The following RAB12 variants were observed in gnomAD, a reference collection of about 807,000 sequenced individuals.
The protein encoded by RAB12 is RAB12, member RAS oncogene family.
Under a neutral mutation model 28.4 loss-of-function variants are expected in RAB12, and 11 were observed. The observed-to-expected ratio is 0.39, with a 90% CI of 0.24 to 0.64. The LOEUF is 0.64. RAB12 is among the 30% of genes least tolerant of loss of function. The pLI, the probability that RAB12 is intolerant of heterozygous loss-of-function variation, is 0.50. For synonymous variants in RAB12, 138 were observed against 145.3 expected (o/e 0.95, Z 0.36); for missense variants, 276 against 351.1 (o/e 0.79, Z 1.71).
At chr18:8,611,559 G>T (rs1304538188) in intron 1 of RAB12, among the ~76,000 whole-genome samples, 2 of 152,098 alleles carry the variant, frequency 1.3e-5, no homozygotes, top group African/African-American at 2.4e-5. Flanking sequence ...GTTCCTTAGG[G>T]GACTTGGGAA....
chr18:8,616,320 A>G (rs2096006643), intron 1 of RAB12, among the ~76,000 whole-genome samples: 1 of 151,738 alleles, frequency 6.6e-6, no homozygotes, highest in African/African-American at 2.4e-5. Flanking sequence ...ACATTTGGAA[A>G]GTATTTGGAA....
chr18:8,627,769 C>T (rs1036710187), intron 2 of RAB12, among the ~76,000 whole-genome samples: 2 of 152,182 alleles, frequency 1.3e-5, no homozygotes, highest in Non-Finnish European at 2.9e-5. Context: ...TTCTGCCTGT[C>T]GGACCAGTCC....
At chr18:8,632,923 G>C in intron 2 of RAB12, 1 of 410,330 alleles carries the variant, frequency 2.4e-6, no homozygotes, top group African/African-American at 2.1e-5. Context: ...AGTTATTCAG[G>C]AGAGTATGTT....
chr18:8,619,070 A>G (rs188287719), intron 1 of RAB12, among the ~76,000 whole-genome samples: 2 of 152,372 alleles, frequency 1.3e-5, no homozygotes, highest in Admixed American at 6.5e-5. Flanking sequence ...CAGCCACTAT[A>G]TAAAACTTAA....
chr18:8,621,295 T>G (rs990684325), intron 1 of RAB12, among the ~76,000 whole-genome samples: 37 of 152,188 alleles, frequency 2.4e-4, no homozygotes, highest in African/African-American at 8.2e-4. Flanking sequence ...TAGACAACAT[T>G]AAGGGATATT....
chr18:8,621,607 TG>T (rs1204578075), intron 1 of RAB12, among the ~76,000 whole-genome samples: 1 of 152,206 alleles, frequency 6.6e-6, no homozygotes, highest in Admixed American at 6.5e-5. Flanking sequence ...TTTTTTCTTT[TG>T]TTTTTTTCCT....
At chr18:8,618,814 A>G (rs1323630792) in intron 1 of RAB12, among the ~76,000 whole-genome samples, 1 of 152,206 alleles carries the variant, frequency 6.6e-6, no homozygotes, top group Non-Finnish European at 1.5e-5. Context: ...GCTCAGCCAC[A>G]TTCTCTTTTC....
At chr18:8,623,176 A>C (rs1363625604) in intron 1 of RAB12, among the ~76,000 whole-genome samples, 7 of 152,228 alleles carry the variant, frequency 4.6e-5, no homozygotes, top group Non-Finnish European at 8.8e-5. Flanking sequence ...AGGAAATCAC[A>C]AGGGTATTGA....
At chr18:8,636,580 T>TTGCAGGGTA (rs1347118321) in intron 5 of RAB12, among the ~76,000 whole-genome samples, 1 of 152,238 alleles carries the variant, frequency 6.6e-6, no homozygotes, top group Non-Finnish European at 1.5e-5. Flanking sequence ...TATGGCATAC[T>TTGCAGGGTA]TGCTTCGCCT....
intron 1 of RAB12, among the ~76,000 whole-genome samples, chr18:8,613,894 A>T (rs746305279): frequency 1.3e-5 from 2 of 152,126 alleles, no homozygotes; most frequent in African/African-American, 4.8e-5. Flanking sequence ...GTGAGCACTT[A>T]CTACACCAGC....
At chr18:8,637,225 A>G (rs1242642349) in intron 5 of RAB12, among the ~76,000 whole-genome samples, 1 of 151,316 alleles carries the variant, frequency 6.6e-6, no homozygotes, top group African/African-American at 2.4e-5. Context: ...ACAGTGAGCT[A>G]TGATCGTATC....
chr18:8,638,280 A>C lies in RAB12; in HGVS notation c.*18A>C, dbSNP rs768663810. ...GCTGTTGATTTCCTACTTTGGAGAC[A>C]AAGTGGAAATGATTCCTGGAAAGGG... is the stretch of plus-strand genomic sequence containing the variant. On this transcript the variant is annotated 3_prime_UTR_variant, in exon 6 of 6. Coordinates refer to ENST00000649141, the MANE Select transcript of RAB12 (RefSeq NM_001025300.3). 5.8e-6 allele frequency: 9 copies of C among 1,560,760 alleles called. No homozygotes were observed. Among genetic ancestry groups the C allele is most frequent in the Non-Finnish European group, 7.9e-6 (9 of 1,132,566 alleles).
At position 8,639,353 on chromosome 18, in the gene RAB12, G is replaced by A. The variant is rs1271011361; in HGVS notation, c.*1091G>A. The A allele has an allele frequency of 6.6e-6, 1 of 151,988 alleles. No individual in the cohort carries two copies. The highest frequency in any genetic ancestry group is 1.5e-5 in the Non-Finnish European group (1 of 67,910). The allele number at this position is 151,988 out of a possible 1,614,324, so 9.4% of individuals were successfully genotyped here. On this transcript the variant is annotated 3_prime_UTR_variant, in exon 6 of 6. Transcript: ENST00000649141. ...ATTGTGGTCTTTCTACACTAATGAA[G>A]TGCAAATAAAATTTTGTATTTATGA...
intron 1 of RAB12, among the ~76,000 whole-genome samples, chr18:8,621,454 TG>T (rs1336937288): frequency 6.6e-6 from 1 of 152,220 alleles, no homozygotes; most frequent in Non-Finnish European, 1.5e-5. Context: ...TAGGATATTT[TG>T]TTTAAGAGCG....
intron 1 of RAB12, among the ~76,000 whole-genome samples, chr18:8,619,634 G>A (rs940899480): frequency 2.0e-5 from 3 of 152,160 alleles, no homozygotes; most frequent in Non-Finnish European, 2.9e-5. Flanking sequence ...GTGGGCAGTG[G>A]TGTAAATTTG....
At chr18:8,617,645 C>G (rs1374230882) in intron 1 of RAB12, among the ~76,000 whole-genome samples, 2 of 152,088 alleles carry the variant, frequency 1.3e-5, no homozygotes, top group East Asian at 3.8e-4. Context: ...TATATACTTG[C>G]CTAGCAATGC....
At chr18:8,619,499 A>C (rs1020355503) in intron 1 of RAB12, among the ~76,000 whole-genome samples, 4 of 152,248 alleles carry the variant, frequency 2.6e-5, no homozygotes, top group African/African-American at 9.6e-5. Context: ...AGCCAGCAAG[A>C]AGGCAGAGCG....
chr18:8,629,944 C>A (rs552496488), intron 2 of RAB12, among the ~76,000 whole-genome samples: 68 of 152,306 alleles, frequency 4.5e-4, no homozygotes, highest in African/African-American at 1.6e-3. Flanking sequence ...CATAGATGGT[C>A]TTTAAAGAAA....
intron 3 of RAB12, chr18:8,635,323 T>C (rs2096018246): frequency 4.9e-6 from 2 of 407,946 alleles, no homozygotes; most frequent in African/African-American, 4.2e-5. Flanking sequence ...TTGTGGTTCT[T>C]AATGCCTGTG....
Sources: gnomAD v4.1 joint callset for allele counts (sites outside exome capture counted in the v4.1 genomes callset) on GRCh38, gnomAD v4.1.1 for gene constraint, MANE v1.5 for transcripts, NCBI Gene and HGNC (gene_info 2026-07-23, HGNC 2026-07-21) for gene names.